DACH1: variants seen among roughly 807,000 people sequenced by gnomAD.
DACH1 encodes dachshund family transcription factor 1.
Under a neutral mutation model 54.2 loss-of-function variants are expected in DACH1, and 12 were observed. The observed-to-expected ratio is 0.22, with a 90% CI of 0.14 to 0.36. DACH1 has a LOEUF of 0.36. DACH1 is among the 10% of genes least tolerant of loss of function. The probability of loss-of-function intolerance (pLI) is 1.00; values close to 1 mark genes in which losing one functional copy is unlikely to be tolerated. For synonymous variants in DACH1, 386 were observed against 366.2 expected (o/e 1.05, Z -0.62); for missense variants, 805 against 929.8 (o/e 0.87, Z 1.75).
intron 3 of DACH1, among the ~76,000 whole-genome samples, chr13:71,590,125 CAT>C (rs1227899447): frequency 2.6e-5 from 4 of 151,960 alleles, no homozygotes; most frequent in Non-Finnish European, 5.9e-5. Context: ...AGATTAAAAA[CAT>C]AAAGCATTCT....
intron 6 of DACH1, among the ~76,000 whole-genome samples, chr13:71,522,275 T>C (rs1375091042): frequency 2.6e-5 from 4 of 152,014 alleles, no homozygotes; most frequent in Admixed American, 1.3e-4. Flanking sequence ...GGTAGCTTTT[T>C]CAAACTCTTC....
chr13:71,632,294 G>C (rs1323968246), intron 2 of DACH1, among the ~76,000 whole-genome samples: 1 of 151,940 alleles, frequency 6.6e-6, no homozygotes, highest in African/African-American at 2.4e-5. Context: ...CTTTTGCCAA[G>C]TCAGTTCACT....
intron 1 of DACH1, among the ~76,000 whole-genome samples, chr13:71,812,767 A>G (rs1333534425): frequency 8.8e-6 from 1 of 113,374 alleles, no homozygotes; most frequent in Non-Finnish European, 2.3e-5. Flanking sequence ...TCCCACGGAA[A>G]AAAAGGAAAA....
chr13:71,670,506 T>C (rs1193073832), intron 2 of DACH1, among the ~76,000 whole-genome samples: 1 of 152,022 alleles, frequency 6.6e-6, no homozygotes, highest in Non-Finnish European at 1.5e-5. Flanking sequence ...ATAAAGAGAG[T>C]TCAGTGTCAT....
intron 6 of DACH1, among the ~76,000 whole-genome samples, chr13:71,551,033 T>A (rs925093908): frequency 6.6e-6 from 1 of 152,060 alleles, no homozygotes; most frequent in African/African-American, 2.4e-5. Flanking sequence ...AGGCTTTTAG[T>A]CTATGCAATT....
At chr13:71,609,070 A>C (rs1875106836) in intron 3 of DACH1, among the ~76,000 whole-genome samples, 1 of 152,144 alleles carries the variant, frequency 6.6e-6, no homozygotes, top group Admixed American at 6.5e-5. Context: ...CCTTCCTTTA[A>C]AGCAAGTATA....
chr13:71,533,487 T>A (rs1882551102), intron 6 of DACH1, among the ~76,000 whole-genome samples: 1 of 152,030 alleles, frequency 6.6e-6, no homozygotes, highest in South Asian at 2.1e-4. Context: ...GATGTTGATA[T>A]TACTTTAAAG....
intron 1 of DACH1, among the ~76,000 whole-genome samples, chr13:71,758,501 T>C (rs1304682108): frequency 3.3e-5 from 5 of 152,228 alleles, no homozygotes; most frequent in Non-Finnish European, 7.3e-5. Flanking sequence ...GACAGATTGC[T>C]AAGAAATGCA....
chr13:71,629,682 T>C (rs534960381), intron 3 of DACH1, among the ~76,000 whole-genome samples: 2 of 152,272 alleles, frequency 1.3e-5, no homozygotes, highest in South Asian at 2.1e-4. Flanking sequence ...TTTAACTGAA[T>C]GGCCGTGAGT....
intron 10 of DACH1, among the ~76,000 whole-genome samples, chr13:71,462,422 G>T (rs1434620606): frequency 6.6e-6 from 1 of 151,578 alleles, no homozygotes; most frequent in Non-Finnish European, 1.5e-5. Flanking sequence ...TTCACACCAT[G>T]TCATGAATTT....
intron 6 of DACH1, among the ~76,000 whole-genome samples, chr13:71,497,542 T>C (rs911735921): frequency 6.6e-6 from 1 of 151,990 alleles, no homozygotes. Flanking sequence ...ATGTTGGTCA[T>C]GCTGGTCTCG....
intron 3 of DACH1, among the ~76,000 whole-genome samples, chr13:71,575,292 A>T (rs1266759898): frequency 6.6e-6 from 1 of 152,032 alleles, no homozygotes; most frequent in African/African-American, 2.4e-5. Flanking sequence ...AAAATCTTCA[A>T]CAAATGTAAC....
intron 1 of DACH1, among the ~76,000 whole-genome samples, chr13:71,742,908 T>C (rs1594165254): frequency 6.6e-6 from 1 of 152,196 alleles, no homozygotes; most frequent in African/African-American, 2.4e-5. Context: ...CCATGTGCTA[T>C]TTCTCTGTAG....
intron 3 of DACH1, among the ~76,000 whole-genome samples, chr13:71,622,919 T>C (rs1369120077): frequency 6.6e-6 from 1 of 151,788 alleles, no homozygotes; most frequent in Non-Finnish European, 1.5e-5. Context: ...TATTTTTGAA[T>C]TATGTTCTCC....
At chr13:71,548,566 A>G (rs1883605290) in intron 6 of DACH1, among the ~76,000 whole-genome samples, 1 of 152,158 alleles carries the variant, frequency 6.6e-6, no homozygotes, top group African/African-American at 2.4e-5. Context: ...AAAATGTGCA[A>G]AATAAAAACA....
chr13:71,576,331 T>C (rs929075109), intron 3 of DACH1, among the ~76,000 whole-genome samples: 5 of 152,176 alleles, frequency 3.3e-5, no homozygotes, highest in African/African-American at 1.2e-4. Context: ...GCAAGGTTAT[T>C]TCAAGATTTA....
At chr13:71,569,599 C>T (rs539308930) in intron 4 of DACH1, among the ~76,000 whole-genome samples, 1 of 152,246 alleles carries the variant, frequency 6.6e-6, no homozygotes, top group Non-Finnish European at 1.5e-5. Context: ...ATTTCATGTA[C>T]TGGCATTGAT....
chr13:71,848,237 T>C (rs984179628), intron 1 of DACH1, among the ~76,000 whole-genome samples: 10 of 152,148 alleles, frequency 6.6e-5, no homozygotes, highest in African/African-American at 1.9e-4. Context: ...TTTTTTTACA[T>C]ATGCTATGAC....
chr13:71,455,556 C>A (rs984094802), intron 10 of DACH1, among the ~76,000 whole-genome samples: 36 of 152,208 alleles, frequency 2.4e-4, no homozygotes, highest in African/African-American at 8.2e-4. Context: ...GTTTAATTCT[C>A]AGATCAAAAA....
Sources: allele counts gnomAD v4.1 joint callset (sites outside exome capture counted in the v4.1 genomes callset), GRCh38; gene constraint gnomAD v4.1.1; transcripts MANE v1.5; gene names NCBI Gene and HGNC (gene_info 2026-07-23, HGNC 2026-07-21).